The following ARHGAP28 variants were observed in gnomAD, a reference collection of about 807,000 sequenced individuals.
The protein encoded by ARHGAP28 is rho GTPase-activating protein 28.
A neutral mutation model predicts 90.7 loss-of-function variants in ARHGAP28; 56 were observed. The observed-to-expected ratio is 0.62, with a 90% CI of 0.50 to 0.77. The LOEUF is 0.77. ARHGAP28 is among the 30% of genes least tolerant of loss of function. The pLI, the probability that ARHGAP28 is intolerant of heterozygous loss-of-function variation, is 0.00. For missense variants in ARHGAP28, 869 were observed against 900.9 expected (o/e 0.96, Z 0.45); for synonymous variants, 308 against 323.3 (o/e 0.95, Z 0.51).
intron 2 of ARHGAP28, among the ~76,000 whole-genome samples, chr18:6,831,483 T>C (rs1199694822): frequency 6.8e-6 from 1 of 147,890 alleles, no homozygotes; most frequent in African/African-American, 2.5e-5. Flanking sequence ...TTTTTTTTTT[T>C]TTTTCTTTTT....
intron 1 of ARHGAP28, among the ~76,000 whole-genome samples, chr18:6,753,699 A>G (rs1419889035): frequency 6.6e-6 from 1 of 152,244 alleles, no homozygotes; most frequent in Admixed American, 6.5e-5. Flanking sequence ...TATGTTTGCC[A>G]CTGTTTTTAA....
intron 15 of ARHGAP28, 47 bp downstream of exon 15, chr18:6,894,938 C>G: frequency 6.5e-7 from 1 of 1,538,464 alleles, no homozygotes; most frequent in South Asian, 1.1e-5. Context: ...CCTATATAGT[C>G]TTCTCTGGCG....
chr18:6,909,822 C>T lies in ARHGAP28; in HGVS notation c.2095+798C>T, dbSNP rs140043496. ...TATCCTCACAGCCCCATGGGTGCTC[C>T]GTGCTCCCACTGAGGGCAGTGCCTC... On this transcript the variant is annotated intron_variant, in intron 17 of 17. Transcript: ENST00000383472. Among the ~76,000 whole-genome samples the T allele has an allele frequency of 5.9e-5, 9 of 152,250 alleles. 1 individual carries two copies. Among genetic ancestry groups the T allele is most frequent in the South Asian group, 2.1e-4 (1 of 4,822 alleles).
chr18:6,768,169 C>T (rs908868221), intron 1 of ARHGAP28, among the ~76,000 whole-genome samples: 1 of 151,994 alleles, frequency 6.6e-6, no homozygotes, highest in Non-Finnish European at 1.5e-5. Context: ...TCCCATTTCT[C>T]TCCTCTTATT....
chr18:6,838,062 A>G (rs1341108225), intron 3 of ARHGAP28, among the ~76,000 whole-genome samples: 1 of 152,170 alleles, frequency 6.6e-6, no homozygotes, highest in Admixed American at 6.5e-5. Flanking sequence ...GCTCTGTCTT[A>G]TAGCTTACTT....
intron 7 of ARHGAP28, among the ~76,000 whole-genome samples, 169 bp downstream of exon 7, chr18:6,870,901 C>T (rs906437492): frequency 4.1e-4 from 63 of 152,102 alleles, no homozygotes; most frequent in Non-Finnish European, 5.0e-4. Context: ...CCCGGGTTCA[C>T]GCCATTCTCC....
chr18:6,797,083 CTATT>C (rs2056446989), intron 1 of ARHGAP28, among the ~76,000 whole-genome samples: 1 of 152,140 alleles, frequency 6.6e-6, no homozygotes, highest in Non-Finnish European at 1.5e-5. Flanking sequence ...CTTTGGGGCT[CTATT>C]TGTTTCCTTC....
chr18:6,882,763 A>G (rs898216156), intron 11 of ARHGAP28, among the ~76,000 whole-genome samples: 1 of 152,244 alleles, frequency 6.6e-6, no homozygotes, highest in Non-Finnish European at 1.5e-5. Flanking sequence ...AGCATGCAAT[A>G]AATACTTCAC....
intron 1 of ARHGAP28, among the ~76,000 whole-genome samples, chr18:6,732,103 T>C (rs200776894): frequency 2.2e-4 from 1 of 4,462 alleles, no homozygotes; most frequent in East Asian, 0.5. Context: ...GTTTTTAAGG[T>C]TTTTTTTTTT....
intron 1 of ARHGAP28, among the ~76,000 whole-genome samples, chr18:6,803,413 TGTA>T (rs1415506429): frequency 6.6e-6 from 1 of 152,214 alleles, no homozygotes. Flanking sequence ...AAATCATCCT[TGTA>T]GTCGCAGGAT....
At chr18:6,739,102 C>T (rs34853551) in intron 1 of ARHGAP28, among the ~76,000 whole-genome samples, 19,053 of 152,188 alleles carry the variant, frequency 0.13, 1,370 homozygotes, top group South Asian at 0.26. Flanking sequence ...CCCAAGATCA[C>T]ACAGCAAGGA....
At position 6,914,504 on chromosome 18, in the gene ARHGAP28, C is replaced by G. The variant is rs1190822975; in HGVS notation, c.*2350C>G. On this transcript the variant is annotated 3_prime_UTR_variant, in exon 18 of 18. Coordinates refer to ENST00000383472, the MANE Select transcript of ARHGAP28 (RefSeq NM_001366230.1). ...AATATTTGTGTGGAGGTTCTTTTGA[C>G]CAATTTTATTCCTAAGAATAAACAA... 6.6e-6 allele frequency: 1 copy of G among 152,050 alleles called. No homozygotes were observed. The highest frequency in any genetic ancestry group is 1.9e-4 in the East Asian group (1 of 5,182). The allele number at this position is 152,050 out of a possible 1,614,324, so 9.4% of individuals were successfully genotyped here.
rs773429151 is a variant in ARHGAP28 at position 6,873,664 on chromosome 18, T to C, written c.1121-20T>C. The C allele has an allele frequency of 6.2e-7, 1 of 1,611,582 alleles. No homozygotes were observed. On this transcript the variant is annotated intron_variant, in intron 8 of 17. Transcript: ENST00000383472. ...TTCTAATTCTTTTTTTTTTTCCCCC[T>C]TTACTGTCTCACAATGAAGACAATG...
chr18:6,901,198 G>A (rs572935057), intron 16 of ARHGAP28, among the ~76,000 whole-genome samples: 81 of 152,274 alleles, frequency 5.3e-4, no homozygotes, highest in African/African-American at 1.9e-3. Context: ...AAAAGGAGAG[G>A]AGAACATCAG....
chr18:6,907,900 A>G (rs2057372815), intron 16 of ARHGAP28, among the ~76,000 whole-genome samples: 2 of 152,090 alleles, frequency 1.3e-5, no homozygotes, highest in South Asian at 4.1e-4. Flanking sequence ...TAAACAAAAA[A>G]CAACAACAAA....
At chr18:6,771,605 C>A (rs539816419) in intron 1 of ARHGAP28, among the ~76,000 whole-genome samples, 1 of 152,304 alleles carries the variant, frequency 6.6e-6, no homozygotes, top group South Asian at 2.1e-4. Flanking sequence ...TCACTTCCTT[C>A]GTTACACATA....
intron 1 of ARHGAP28, among the ~76,000 whole-genome samples, chr18:6,759,228 GT>G (rs2056138520): frequency 6.6e-6 from 1 of 152,108 alleles, no homozygotes; most frequent in Non-Finnish European, 1.5e-5. Flanking sequence ...ATTTCAGAAT[GT>G]TTTATTAAAG....
At chr18:6,757,579 G>A (rs542387184) in intron 1 of ARHGAP28, among the ~76,000 whole-genome samples, 7 of 152,228 alleles carry the variant, frequency 4.6e-5, no homozygotes, top group East Asian at 1.9e-4. Context: ...ATTTGAAGTC[G>A]TGGTCAATGT....
chr18:6,771,105 T>C (rs1371440424), intron 1 of ARHGAP28, among the ~76,000 whole-genome samples: 1 of 152,238 alleles, frequency 6.6e-6, no homozygotes, highest in East Asian at 1.9e-4. Context: ...GGTATGATCA[T>C]GGCTCACTGC....
Sources: gnomAD v4.1 joint callset for allele counts (sites outside exome capture counted in the v4.1 genomes callset) on GRCh38, gnomAD v4.1.1 for gene constraint, MANE v1.5 for transcripts, NCBI Gene and HGNC (gene_info 2026-07-23, HGNC 2026-07-21) for gene names.